Variants in LRRTM4 observed in about 807,000 individuals in gnomAD.
The protein encoded by LRRTM4 is leucine rich repeat transmembrane neuronal 4.
LRRTM4 carries 25 observed loss-of-function variants against 47.6 expected under a neutral mutation model. The ratio of observed to expected loss-of-function variants is 0.53; its 90% confidence interval spans 0.38 to 0.73. The LOEUF is 0.73. Ranked by LOEUF, LRRTM4 falls within the 30% of genes least tolerant of loss-of-function variation. The probability of loss-of-function intolerance (pLI) is 0.00; values close to 1 mark genes in which losing one functional copy is unlikely to be tolerated. For missense variants in LRRTM4, 638 were observed against 713.4 expected (o/e 0.89, Z 1.20); for synonymous variants, 311 against 269.5 (o/e 1.15, Z -1.51).
intron 3 of LRRTM4, among the ~76,000 whole-genome samples, chr2:77,315,829 C>CTCTGA (rs1488792639): frequency 6.6e-6 from 1 of 152,204 alleles, no homozygotes; most frequent in East Asian, 1.9e-4. Flanking sequence ...ACTGCCCTTT[C>CTCTGA]TCTTAGCTTC....
intron 3 of LRRTM4, among the ~76,000 whole-genome samples, chr2:76,873,141 CAT>C (rs1672674418): frequency 6.6e-6 from 1 of 152,040 alleles, no homozygotes; most frequent in African/African-American, 2.4e-5. Context: ...TAATTTATGA[CAT>C]AAACGGTACA....
At chr2:77,058,375 T>A (rs766656469) in intron 3 of LRRTM4, among the ~76,000 whole-genome samples, 1 of 152,170 alleles carries the variant, frequency 6.6e-6, no homozygotes, top group East Asian at 1.9e-4. Flanking sequence ...TACTGGCGAA[T>A]TGGGGAGTAC....
At chr2:77,474,276 AC>A (rs1263827600) in intron 3 of LRRTM4, among the ~76,000 whole-genome samples, 2 of 152,140 alleles carry the variant, frequency 1.3e-5, no homozygotes, top group South Asian at 4.1e-4. Context: ...ATAGAAAAAA[AC>A]AAAAGACATT....
chr2:76,906,248 G>A (rs1347998031), intron 3 of LRRTM4, among the ~76,000 whole-genome samples: 1 of 152,050 alleles, frequency 6.6e-6, no homozygotes, highest in Non-Finnish European at 1.5e-5. Flanking sequence ...GCCAAACTAA[G>A]CTTCATAAGT....
intron 3 of LRRTM4, among the ~76,000 whole-genome samples, chr2:76,863,200 C>A (rs545427450): frequency 6.6e-6 from 1 of 152,264 alleles, no homozygotes; most frequent in East Asian, 1.9e-4. Context: ...TACCAAGAGC[C>A]AGGTACATGC....
At chr2:77,355,300 T>G (rs140616312) in intron 3 of LRRTM4, among the ~76,000 whole-genome samples, 5 of 152,128 alleles carry the variant, frequency 3.3e-5, no homozygotes, top group Non-Finnish European at 7.4e-5. Flanking sequence ...TAATATAACA[T>G]CAAATATCCC....
At chr2:77,462,422 G>A (rs1676823451) in intron 3 of LRRTM4, among the ~76,000 whole-genome samples, 1 of 152,016 alleles carries the variant, frequency 6.6e-6, no homozygotes, top group Non-Finnish European at 1.5e-5. Context: ...ACTTGAACAA[G>A]CTCAGTAAAA....
At chr2:77,330,265 T>C (rs897070543) in intron 3 of LRRTM4, among the ~76,000 whole-genome samples, 17 of 152,222 alleles carry the variant, frequency 1.1e-4, no homozygotes, top group African/African-American at 3.9e-4. Flanking sequence ...GTTGTTTTTT[T>C]ACTCTTAATT....
chr2:76,805,491 G>C (rs1675921489), intron 3 of LRRTM4, among the ~76,000 whole-genome samples: 1 of 152,144 alleles, frequency 6.6e-6, no homozygotes, highest in Admixed American at 6.5e-5. Flanking sequence ...TAGTGACAAA[G>C]AGTTAGTACA....
chr2:77,470,950 C>T (rs889043416), intron 3 of LRRTM4, among the ~76,000 whole-genome samples: 2 of 152,028 alleles, frequency 1.3e-5, no homozygotes, highest in Non-Finnish European at 2.9e-5. Flanking sequence ...CTATTAGGAC[C>T]TCTTCTCTCT....
intron 3 of LRRTM4, among the ~76,000 whole-genome samples, chr2:77,492,846 C>T (rs1950161): frequency 0.22 from 33,405 of 151,668 alleles, 3,946 homozygotes; most frequent in Middle Eastern, 0.31. Context: ...GAAAATTGTC[C>T]CCTAGATATA....
intron 3 of LRRTM4, among the ~76,000 whole-genome samples, chr2:76,833,638 A>G (rs1331311421): frequency 3.3e-5 from 5 of 151,958 alleles, no homozygotes. Context: ...TAATAAATAC[A>G]TATTTGTAAA....
At chr2:77,497,352 G>T (rs890055524) in intron 3 of LRRTM4, among the ~76,000 whole-genome samples, 2 of 143,634 alleles carry the variant, frequency 1.4e-5, no homozygotes, top group East Asian at 3.9e-4. Context: ...TGTTTGATTT[G>T]CTCTGTTTTT....
At chr2:77,188,176 G>C (rs1177833189) in intron 3 of LRRTM4, among the ~76,000 whole-genome samples, 3 of 152,048 alleles carry the variant, frequency 2.0e-5, no homozygotes, top group African/African-American at 7.2e-5. Flanking sequence ...TCCTATCAAA[G>C]ACCAATATTT....
chr2:76,786,012 G>A (rs528869307), intron 3 of LRRTM4, among the ~76,000 whole-genome samples: 3 of 152,130 alleles, frequency 2.0e-5, no homozygotes, highest in Admixed American at 6.5e-5. Context: ...ATACCTAGCT[G>A]CTCCTATCTT....
At chr2:77,018,119 T>C (rs1678135710) in intron 3 of LRRTM4, among the ~76,000 whole-genome samples, 2 of 151,970 alleles carry the variant, frequency 1.3e-5, no homozygotes, top group African/African-American at 4.8e-5. Context: ...TTCCTTTTGA[T>C]GTTTTTGAAA....
At chr2:76,948,466 T>C (rs1399210597) in intron 3 of LRRTM4, among the ~76,000 whole-genome samples, 1 of 151,866 alleles carries the variant, frequency 6.6e-6, no homozygotes, top group Non-Finnish European at 1.5e-5. Flanking sequence ...TAGTTCATTT[T>C]AGGATGTGTC....
At chr2:77,356,837 C>T (rs924901) in intron 3 of LRRTM4, among the ~76,000 whole-genome samples, 73,052 of 151,936 alleles carry the variant, frequency 0.48, 20,537 homozygotes, top group Non-Finnish European at 0.63. Flanking sequence ...TATATGCACA[C>T]AAGGGTGCGT....
chr2:77,421,474 G>C (rs1475130602), intron 3 of LRRTM4, among the ~76,000 whole-genome samples: 2 of 152,140 alleles, frequency 1.3e-5, no homozygotes, highest in Non-Finnish European at 2.9e-5. Flanking sequence ...TCGGGAGGCC[G>C]AGGCGGGCGG....
Sources: allele counts gnomAD v4.1 joint callset (sites outside exome capture counted in the v4.1 genomes callset), GRCh38; gene constraint gnomAD v4.1.1; transcripts MANE v1.5; gene names NCBI Gene and HGNC (gene_info 2026-07-23, HGNC 2026-07-21).